Variants in TLL2 observed in about 807,000 individuals in gnomAD.
TLL2 encodes tolloid-like protein 2.
TLL2 carries 106 observed loss-of-function variants against 123.0 expected under a neutral mutation model. The observed-to-expected ratio is 0.86, with a 90% CI of 0.74 to 1.01. The LOEUF (loss-of-function observed/expected upper bound fraction) is 1.01, where lower values mean the gene tolerates loss of function less well. Among genes scored for constraint, TLL2 ranks in the 50% least tolerant of loss-of-function variants. TLL2 has a pLI of 0.00. For missense variants in TLL2, 1,332 were observed against 1,336.7 expected, an observed-to-expected ratio of 1.00 and a Z score of 0.06; for synonymous variants, 494 against 516.8, an observed-to-expected ratio of 0.96 and a Z score of 0.60.
chr10:96,475,933 C>T (rs529076893), intron 2 of TLL2, among the ~76,000 whole-genome samples: 8 of 152,172 alleles, frequency 5.3e-5, no homozygotes, highest in Middle Eastern at 3.4e-3. Context: ...TGCACAAGCT[C>T]TCCTTGCCTG....
intron 1 of TLL2, among the ~76,000 whole-genome samples, chr10:96,505,784 A>G (rs945707210): frequency 2.0e-5 from 3 of 152,240 alleles, no homozygotes; most frequent in African/African-American, 4.8e-5. Flanking sequence ...CAAGGGCCAC[A>G]TAACTCTAGC....
intron 11 of TLL2, among the ~76,000 whole-genome samples, chr10:96,396,590 T>C (rs1288001126): frequency 6.7e-6 from 1 of 150,028 alleles, no homozygotes; most frequent in Non-Finnish European, 1.5e-5. Flanking sequence ...TCTTTTTTTT[T>C]TTTTTTTTTT....
chr10:96,455,150 A>C (rs1407618529), intron 2 of TLL2, among the ~76,000 whole-genome samples: 1 of 152,098 alleles, frequency 6.6e-6, no homozygotes, highest in Non-Finnish European at 1.5e-5. Flanking sequence ...GCTGGCGTGA[A>C]CCTGGGAGGC....
intron 5 of TLL2, among the ~76,000 whole-genome samples, chr10:96,424,876 TA>T (rs1423193137): frequency 6.6e-6 from 1 of 152,106 alleles, no homozygotes; most frequent in Non-Finnish European, 1.5e-5. Context: ...AGATTATAAA[TA>T]AAATCTACTC....
rs139909625 is a variant in TLL2 at position 96,497,911 on chromosome 10, C to A, written c.175+15600G>T. ...ATGACTACTTTGGCCTATGCCAACA[C>A]CTTTCACTGCTTAATTGGGCAGAAT... On this transcript the variant is annotated intron_variant, in intron 1 of 20. Transcript: ENST00000357947. 2.1e-3 allele frequency among the ~76,000 whole-genome samples: 316 copies of A among 152,380 alleles called. 2 individuals are homozygous for A. Among genetic ancestry groups the A allele is most frequent in the African/African-American group, 7.4e-3 (306 of 41,596 alleles).
intron 1 of TLL2, among the ~76,000 whole-genome samples, chr10:96,493,994 G>A (rs1038047682): frequency 4.6e-5 from 7 of 152,200 alleles, no homozygotes; most frequent in Admixed American, 2.6e-4. Flanking sequence ...CTCAGAGCTC[G>A]GTTCACTGCC....
At chr10:96,446,255 C>T (rs1190093851) in intron 2 of TLL2, 87 bp from the exon 3 acceptor site, 2 of 1,262,850 alleles carry the variant, frequency 1.6e-6, no homozygotes, top group East Asian at 4.6e-5. Flanking sequence ...ACCTGGTCAC[C>T]TGGGGAGGAT....
intron 1 of TLL2, among the ~76,000 whole-genome samples, chr10:96,504,708 T>C (rs188020958): frequency 1.4e-4 from 22 of 152,284 alleles, no homozygotes; most frequent in African/African-American, 5.1e-4. Flanking sequence ...CACACTACTG[T>C]AAAGATACTG....
chr10:96,453,230 C>T (rs1379941035), intron 2 of TLL2, among the ~76,000 whole-genome samples: 5 of 152,108 alleles, frequency 3.3e-5, no homozygotes, highest in African/African-American at 7.2e-5. Context: ...CAGAGGCGGG[C>T]GGATCACGTG....
In TLL2 at chr10:96,373,797, A is replaced by G. The variant is rs781237981; in HGVS notation, c.2461T>C (p.Phe821Leu). ...CATTCCTGGTGCTGCTCGATCTCAAACTCATTAAAGGTCTGGGGACAGAAG... is the reference window on the plus strand; with the variant it reads ...CATTCCTGGTGCTGCTCGATCTCAAGCTCATTAAAGGTCTGGGGACAGAAG... ...GHRVKLTFNE[F>L]EIEQHQECAY... The change falls in exon 19 of 21, where the codon TTT (phenylalanine) becomes CTT (leucine). Residue 821 changes from phenylalanine to leucine, a missense_variant. Coordinates refer to ENST00000357947, the MANE Select transcript of TLL2 (RefSeq NM_012465.4). The G allele has an allele frequency of 2.5e-6, 4 of 1,613,638 alleles. No individual in the cohort carries two copies. The highest frequency in any genetic ancestry group is 3.4e-6 in the Non-Finnish European group (4 of 1,180,010).
At chr10:96,460,458 C>T (rs1032458513) in intron 2 of TLL2, among the ~76,000 whole-genome samples, 2 of 152,078 alleles carry the variant, frequency 1.3e-5, no homozygotes, top group Admixed American at 6.5e-5. Flanking sequence ...GCTTTGTGTC[C>T]CTTCCCAAAT....
At chr10:96,478,469 C>T (rs568548952) in intron 2 of TLL2, among the ~76,000 whole-genome samples, 30 of 152,322 alleles carry the variant, frequency 2.0e-4, no homozygotes, top group African/African-American at 6.7e-4. Context: ...TGACCCAGCA[C>T]CCCCACTCCT....
Position 96,367,111 on chromosome 10 carries a change from G to C in TLL2, c.*977C>G, listed in dbSNP as rs1431228956. ...TTCTTACATAACTTATAATTAACCA[G>C]TCTTCAACAGTGTTCACCCCATAAG... On this transcript the variant is annotated 3_prime_UTR_variant, in exon 21 of 21. Transcript: ENST00000357947. 1.3e-5 allele frequency: 2 copies of C among 152,248 alleles called. No homozygotes were observed. Among genetic ancestry groups the C allele is most frequent in the Non-Finnish European group, 2.9e-5 (2 of 68,042 alleles). The allele number at this position is 152,248 out of a possible 1,614,324, so 9.4% of individuals were successfully genotyped here.
intron 5 of TLL2, among the ~76,000 whole-genome samples, chr10:96,428,164 T>C (rs1846697426): frequency 6.6e-6 from 1 of 152,226 alleles, no homozygotes; most frequent in Non-Finnish European, 1.5e-5. Flanking sequence ...TTTATTGACA[T>C]AACAGATAAC....
In TLL2 at chr10:96,366,532, C is replaced by A. The variant is rs1312505365; in HGVS notation, c.*1556G>T. 6.6e-6 allele frequency: 1 copy of A among 152,602 alleles called. No homozygotes were observed. Among genetic ancestry groups the A allele is most frequent in the Non-Finnish European group, 1.5e-5 (1 of 68,022 alleles). 9.5% of individuals were successfully genotyped at this position (152,602 alleles called of 1,614,324 possible). A position where few individuals can be genotyped will look rare whatever the true frequency, so the allele number is the denominator to read the frequency against. On this transcript the variant is annotated 3_prime_UTR_variant, in exon 21 of 21. Transcript: ENST00000357947. ...ATTCCCATGCATTTCTCTGACCTTT[C>A]TTTGTATCATTCTAGTTTTTGCTCC...
intron 2 of TLL2, among the ~76,000 whole-genome samples, chr10:96,470,674 G>T (rs1024953100): frequency 1.3e-5 from 2 of 151,988 alleles, no homozygotes; most frequent in African/African-American, 4.8e-5. Flanking sequence ...CTAAACACAG[G>T]GCCTCTGACA....
rs181011623 is a variant in TLL2 at position 96,379,975 on chromosome 10, G to A, written c.2195-883C>T. On this transcript the variant is annotated intron_variant, in intron 16 of 20. Transcript: ENST00000357947. Reference sequence around the variant, plus strand: ...TGCACGTGGAGCAGCTGAGTGTTGGGGACACACAGCAGAGGGCCAGCCCTA... The same window carrying A: ...TGCACGTGGAGCAGCTGAGTGTTGGAGACACACAGCAGAGGGCCAGCCCTA... Among the ~76,000 whole-genome samples, 331 of 152,332 alleles carry A rather than the reference G, an allele frequency of 2.2e-3. 4 individuals are homozygous for A. The highest frequency in any genetic ancestry group is 1.2e-3 in the Non-Finnish European group (79 of 68,026).
At chr10:96,476,234 A>ATTTTTTTTT (rs1232966569) in intron 2 of TLL2, among the ~76,000 whole-genome samples, 3 of 21,528 alleles carry the variant, frequency 1.4e-4, no homozygotes, top group African/African-American at 5.3e-4. Context: ...ATATATATAT[A>ATTTTTTTTT]TATATATTTT....
At chr10:96,502,552 A>G (rs1353252625) in intron 1 of TLL2, among the ~76,000 whole-genome samples, 1 of 152,106 alleles carries the variant, frequency 6.6e-6, no homozygotes, top group African/African-American at 2.4e-5. Context: ...TCAGGTGTCC[A>G]GGTAGCAACT....
Sources: gnomAD v4.1 joint callset for allele counts (sites outside exome capture counted in the v4.1 genomes callset) on GRCh38, gnomAD v4.1.1 for gene constraint, MANE v1.5 for transcripts, NCBI Gene and HGNC (gene_info 2026-07-23, HGNC 2026-07-21) for gene names.